VGLL4: variants seen among roughly 807,000 people sequenced by gnomAD.
VGLL4 encodes the protein vestigial like family member 4.
In VGLL4, 7 loss-of-function variants were observed where a neutral mutation model predicts 21.0. The observed-to-expected ratio is 0.33, with a 90% CI of 0.19 to 0.63. The LOEUF (loss-of-function observed/expected upper bound fraction) is 0.63. VGLL4 is among the 20% of genes least tolerant of loss of function. VGLL4 has a pLI of 0.78. For synonymous variants in VGLL4, 222 were observed against 173.2 expected (o/e 1.28, Z -2.21); for missense variants, 394 against 425.7 (o/e 0.93, Z 0.66).
At chr3:11,600,370 GAA>G (rs11381868) in intron 2 of VGLL4, among the ~76,000 whole-genome samples, 1 of 133,980 alleles carries the variant, frequency 7.5e-6, no homozygotes, top group Admixed American at 7.3e-5. Context: ...AAAAGAAAAA[GAA>G]AAAAAAAAAA....
At chr3:11,599,972 A>C (rs1255475318) in intron 2 of VGLL4, among the ~76,000 whole-genome samples, 1 of 152,212 alleles carries the variant, frequency 6.6e-6, no homozygotes, top group Non-Finnish European at 1.5e-5. Flanking sequence ...AAAGATAAAG[A>C]AAGTGGGAAT....
intron 2 of VGLL4, among the ~76,000 whole-genome samples, chr3:11,567,246 C>A (rs757977431): frequency 6.6e-6 from 1 of 152,136 alleles, no homozygotes; most frequent in Non-Finnish European, 1.5e-5. Flanking sequence ...GGGGGACAAA[C>A]AGCACACAAA....
intron 2 of VGLL4, among the ~76,000 whole-genome samples, chr3:11,702,143 A>AT (rs978005584): frequency 6.6e-6 from 1 of 151,886 alleles, no homozygotes. Context: ...ACGTTCGATG[A>AT]TTTTTTTTCC....
rs146851484 is a variant in VGLL4, at chr3:11,591,294, T to TTC, written c.272+10537_272+10538dup. ...CGTTCCTCTTTGAGAAAAAAGTCCTTTCAAGGTTTTCGTCCCACTTTTATA... is the reference window on the plus strand; with the variant it reads ...CGTTCCTCTTTGAGAAAAAAGTCCTTTCTCAAGGTTTTCGTCCCACTTTTATA... On this transcript the variant is annotated intron_variant, in intron 2 of 4. Coordinates refer to ENST00000430365, the MANE Select transcript of VGLL4 (RefSeq NM_001128219.3). Among the ~76,000 whole-genome samples the TTC allele has an allele frequency of 5.1e-4, 77 of 152,352 alleles. 4 individuals carry two copies. The highest frequency in any genetic ancestry group is 1.8e-3 in the African/African-American group (75 of 41,586).
chr3:11,606,221 G>A (rs955102197), intron 1 of VGLL4, among the ~76,000 whole-genome samples: 2 of 152,128 alleles, frequency 1.3e-5, no homozygotes, highest in Admixed American at 1.3e-4. Context: ...GGGGGAAACC[G>A]CCCCCACGAT....
At chr3:11,579,141 T>A (rs1354311148) in intron 2 of VGLL4, among the ~76,000 whole-genome samples, 2 of 151,024 alleles carry the variant, frequency 1.3e-5, no homozygotes, top group Non-Finnish European at 2.9e-5. Flanking sequence ...ATGAACTGCC[T>A]CTGAGCATCC....
intron 2 of VGLL4, among the ~76,000 whole-genome samples, chr3:11,701,662 G>A (rs2076682309): frequency 6.6e-6 from 1 of 152,158 alleles, no homozygotes; most frequent in African/African-American, 2.4e-5. Context: ...TGAGAAAACT[G>A]AGGCTTAGAA....
In VGLL4 at chr3:11,568,534, G is replaced by A; in HGVS notation, c.273-3515C>T. On this transcript the variant is annotated intron_variant, in intron 2 of 4. Transcript: ENST00000430365. This position sits in a 1 kb window ranked among gnomAD's most constrained non-coding sequence, Gnocchi z 5.9. ...CAGTGGGCACTATGGGTCAGACAAAGACACTGAAAACAGCGAGAAAAGGCC... is the reference window on the plus strand; with the variant it reads ...CAGTGGGCACTATGGGTCAGACAAAAACACTGAAAACAGCGAGAAAAGGCC... The A allele has an allele frequency of 6.5e-7, 1 of 1,544,570 alleles. No individual in the cohort carries two copies. The highest frequency in any genetic ancestry group is 1.4e-5 in the African/African-American group (1 of 73,022).
At chr3:11,671,759 C>A (rs1021161570) in intron 2 of VGLL4, among the ~76,000 whole-genome samples, 1 of 151,908 alleles carries the variant, frequency 6.6e-6, no homozygotes, top group Non-Finnish European at 1.5e-5. Context: ...GAAAATTCCA[C>A]GAAGCCAGAC....
At chr3:11,585,016 T>A (rs1204541388) in intron 2 of VGLL4, among the ~76,000 whole-genome samples, 1 of 152,040 alleles carries the variant, frequency 6.6e-6, no homozygotes, top group African/African-American at 2.4e-5. Context: ...CAATCACTGC[T>A]CCATTAAGGA....
chr3:11,686,927 G>A (rs1248119905), intron 2 of VGLL4, among the ~76,000 whole-genome samples: 1 of 152,108 alleles, frequency 6.6e-6, no homozygotes, highest in Non-Finnish European at 1.5e-5. Context: ...AACAGAATAC[G>A]TCTAACATAG....
chr3:11,616,513 C>A (rs957328227), intron 1 of VGLL4, among the ~76,000 whole-genome samples: 3 of 151,834 alleles, frequency 2.0e-5, no homozygotes, highest in African/African-American at 7.2e-5. Context: ...TTTGCTATGT[C>A]CTTTCATAAA....
chr3:11,711,985 G>A (rs2076853087), intron 1 of VGLL4, among the ~76,000 whole-genome samples: 1 of 152,142 alleles, frequency 6.6e-6, no homozygotes, highest in Non-Finnish European at 1.5e-5. Context: ...CTCCTCCCCA[G>A]AGTGTCCGGT....
intron 4 of VGLL4, among the ~76,000 whole-genome samples, chr3:11,559,109 G>A (rs540105581): frequency 3.9e-5 from 6 of 152,362 alleles, no homozygotes; most frequent in African/African-American, 1.2e-4. Flanking sequence ...CCTGCAACTA[G>A]GGCATGAGAC....
At chr3:11,659,011 G>A (rs1257985228) in intron 2 of VGLL4, among the ~76,000 whole-genome samples, 1 of 152,144 alleles carries the variant, frequency 6.6e-6, no homozygotes, top group Non-Finnish European at 1.5e-5. Flanking sequence ...TCATGATACA[G>A]GTGAACACCT....
At chr3:11,698,202 T>C (rs767006992) in intron 2 of VGLL4, among the ~76,000 whole-genome samples, 28 of 152,164 alleles carry the variant, frequency 1.8e-4, no homozygotes, top group East Asian at 3.9e-4. Flanking sequence ...ATTTACCCTA[T>C]GAAGAAACAG....
chr3:11,691,983 G>GAAAA (rs36035876), intron 2 of VGLL4, among the ~76,000 whole-genome samples: 2 of 105,682 alleles, frequency 1.9e-5, no homozygotes, highest in African/African-American at 4.1e-5. Flanking sequence ...TGCACCAAAT[G>GAAAA]AAAAAAAAAA....
At chr3:11,698,703 T>G in intron 2 of VGLL4, among the ~76,000 whole-genome samples, 1 of 152,208 alleles carries the variant, frequency 6.6e-6, no homozygotes, top group East Asian at 1.9e-4. Flanking sequence ...TAAGTAAATT[T>G]ATCCCTTCCA....
intron 2 of VGLL4, among the ~76,000 whole-genome samples, chr3:11,676,860 T>C (rs2076298646): frequency 6.6e-6 from 1 of 152,212 alleles, no homozygotes; most frequent in African/African-American, 2.4e-5. Flanking sequence ...CCACATATTA[T>C]GCTGCCACAG....
Sources: gnomAD v4.1 joint callset for allele counts (sites outside exome capture counted in the v4.1 genomes callset) on GRCh38, gnomAD v4.1.1 for gene constraint, Gnocchi (gnomAD v3.1) non-coding constraint, MANE v1.5 for transcripts, NCBI Gene and HGNC (gene_info 2026-07-23, HGNC 2026-07-21) for gene names.